The following TACC2 variants were observed in gnomAD, a reference collection of about 807,000 sequenced individuals.
TACC2 encodes transforming acidic coiled-coil containing protein 2.
TACC2 carries 137 observed loss-of-function variants against 227.3 expected under a neutral mutation model. The observed-to-expected ratio is 0.60, with a 90% CI of 0.52 to 0.69. The LOEUF (loss-of-function observed/expected upper bound fraction) is 0.69, where lower values mean the gene tolerates loss of function less well. Ranked by LOEUF, TACC2 falls within the 30% of genes least tolerant of loss-of-function variation. TACC2 has a pLI of 0.00. For missense variants in TACC2, 3,470 were observed against 3,694.4 expected, an observed-to-expected ratio of 0.94 and a Z score of 1.57; for synonymous variants, 1,523 against 1,487.5, an observed-to-expected ratio of 1.02 and a Z score of -0.55.
rs2090475314 is a variant in TACC2, at chr10:122,141,166, T to C, written c.5700-2406T>C. On this transcript the variant is annotated intron_variant, in intron 6 of 22. Transcript: ENST00000369005. The surrounding 1 kb of genome is among the most constrained non-coding windows in gnomAD (Gnocchi z 4.3). ...GGTGCCACTACCTTGCTGGGAAAATTGGGGGAGGAGGAGGAGGGTCAGGAG... is the reference window on the plus strand; with the variant it reads ...GGTGCCACTACCTTGCTGGGAAAATCGGGGGAGGAGGAGGAGGGTCAGGAG... 6.6e-6 allele frequency among the ~76,000 whole-genome samples: 1 copy of C among 151,640 alleles called. No homozygotes were observed. The highest frequency in any genetic ancestry group is 2.4e-5 in the African/African-American group (1 of 41,234).
chr10:122,132,863 C>A (rs1045616366), intron 6 of TACC2, 129 bp downstream of exon 6: 1 of 947,224 alleles, frequency 1.1e-6, no homozygotes, highest in Non-Finnish European at 1.6e-6. Context: ...TCTGCACACA[C>A]ACACAGGGTG....
chr10:122,113,483 G>A (rs1426687995), intron 5 of TACC2, among the ~76,000 whole-genome samples: 1 of 152,226 alleles, frequency 6.6e-6, no homozygotes, highest in Non-Finnish European at 1.5e-5. Context: ...TGGGAGCGCG[G>A]GGGTCAAAGC....
intron 12 of TACC2, among the ~76,000 whole-genome samples, chr10:122,226,000 T>G (rs2095620666): frequency 6.6e-6 from 1 of 152,194 alleles, no homozygotes; most frequent in Admixed American, 6.5e-5. Flanking sequence ...AGCCCAGGTC[T>G]AGGCTCTTGC....
In TACC2 at chr10:122,249,603, A is replaced by G; in HGVS notation, c.8720A>G (p.Gln2907Arg). The G allele has an allele frequency of 5.6e-6, 9 of 1,614,126 alleles. No homozygotes were observed. Among genetic ancestry groups the G allele is most frequent in the Non-Finnish European group, 7.6e-6 (9 of 1,180,022 alleles). Residue 2907 changes from glutamine (Q) to arginine (R), a missense_variant, in exon 22 of 23, where the codon CAG (glutamine) becomes CGG (arginine). By Grantham distance (43) the Gln-to-Arg change is conservative. Coordinates refer to ENST00000369005, the MANE Select transcript of TACC2 (RefSeq NM_206862.4). ...GKAQQEQAAH[Q>R]ASLRKEQLRV... ...GCCCAGCAGGAGCAAGCCGCCCACCAGGCCAGCCTGCGGAAGGAGCAGCTG... is the reference window on the plus strand; with the variant it reads ...GCCCAGCAGGAGCAAGCCGCCCACCGGGCCAGCCTGCGGAAGGAGCAGCTG...
At chr10:122,053,640 C>T (rs1271130163) in intron 3 of TACC2, among the ~76,000 whole-genome samples, 1 of 152,166 alleles carries the variant, frequency 6.6e-6, no homozygotes, top group African/African-American at 2.4e-5. Flanking sequence ...TTTGGGAGCC[C>T]ATGACCGCTT....
intron 7 of TACC2, among the ~76,000 whole-genome samples, chr10:122,183,659 C>T (rs938609262): frequency 1.3e-5 from 2 of 152,162 alleles, no homozygotes; most frequent in Non-Finnish European, 2.9e-5. Flanking sequence ...ATTCGTTCCC[C>T]TGGAGGAGAG....
intron 2 of TACC2, among the ~76,000 whole-genome samples, chr10:122,047,164 C>A (rs1168299918): frequency 6.6e-6 from 1 of 151,548 alleles, no homozygotes; most frequent in African/African-American, 2.4e-5. Context: ...TGGTGGGCAC[C>A]TGTAGTCCCA....
At chr10:122,088,697 A>G in intron 5 of TACC2, 106 bp downstream of exon 5, 3 of 1,548,918 alleles carry the variant, frequency 1.9e-6, no homozygotes, top group Non-Finnish European at 2.6e-6. Context: ...ATGAGTTCCT[A>G]CATAAGAAAG....
At chr10:122,188,047 C>G (rs573870395) in intron 7 of TACC2, among the ~76,000 whole-genome samples, 1 of 152,004 alleles carries the variant, frequency 6.6e-6, no homozygotes, top group African/African-American at 2.4e-5. Context: ...AAGTCTGTCT[C>G]CCCATTCTGT....
intron 8 of TACC2, among the ~76,000 whole-genome samples, chr10:122,208,886 A>G (rs1438183813): frequency 1.3e-5 from 2 of 152,180 alleles, no homozygotes; most frequent in African/African-American, 4.8e-5. Context: ...TTGTCCAATG[A>G]CACACTTTTA....
intron 7 of TACC2, among the ~76,000 whole-genome samples, chr10:122,193,132 T>G (rs6585799): frequency 0.097 from 14,833 of 152,224 alleles, 2,207 homozygotes; most frequent in African/African-American, 0.32. Flanking sequence ...CCTCATGAAA[T>G]TTAATAGTAG....
chr10:121,993,770 C>T (rs1432435481), intron 1 of TACC2, among the ~76,000 whole-genome samples: 2 of 152,078 alleles, frequency 1.3e-5, no homozygotes, highest in African/African-American at 2.4e-5. Flanking sequence ...GGACTACAGG[C>T]GTGCGCCACC....
At chr10:122,242,638 T>C (rs1482600825) in intron 19 of TACC2, among the ~76,000 whole-genome samples, 4 of 152,182 alleles carry the variant, frequency 2.6e-5, no homozygotes, top group East Asian at 1.9e-4. Flanking sequence ...CCTGGGCCTT[T>C]TTTTCTTTTC....
chr10:122,134,618 A>G (rs942285567), intron 6 of TACC2, among the ~76,000 whole-genome samples: 12 of 152,186 alleles, frequency 7.9e-5, no homozygotes, highest in Admixed American at 3.3e-4. Flanking sequence ...TGTCTGTCCT[A>G]TTCCTCCCCC....
chr10:122,023,438 G>C lies in TACC2; in HGVS notation c.33+1424G>C, dbSNP rs183503364. On this transcript the variant is annotated intron_variant, in intron 2 of 22. Transcript: ENST00000369005. Reference sequence around the variant, plus strand: ...AAACAACAATTGTGTTAAAAGACTGGGTGTGACCATGGAATACTATGCAGC... The same window carrying C: ...AAACAACAATTGTGTTAAAAGACTGCGTGTGACCATGGAATACTATGCAGC... The C allele has an allele frequency of 3.3e-5, 5 of 152,234 alleles. No homozygotes were observed. The East Asian group carries it at 9.7e-4, about 29-fold the overall frequency. The allele number at this position is 152,234 out of a possible 1,614,324, so 9.4% of individuals were successfully genotyped here.
chr10:122,218,052 C>A (rs891626128), intron 11 of TACC2, among the ~76,000 whole-genome samples: 1 of 152,150 alleles, frequency 6.6e-6, no homozygotes, highest in Admixed American at 6.5e-5. Flanking sequence ...TCAAGCGATT[C>A]TCCTGCCTCA....
intron 2 of TACC2, among the ~76,000 whole-genome samples, chr10:122,034,851 C>T (rs367750807): frequency 4.5e-4 from 68 of 151,206 alleles, no homozygotes; most frequent in African/African-American, 1.7e-3. Context: ...TCGCTTGAAC[C>T]TGGGAGGCAG....
At chr10:122,071,663 CA>C (rs1171355183) in intron 3 of TACC2, among the ~76,000 whole-genome samples, 5 of 134,342 alleles carry the variant, frequency 3.7e-5, no homozygotes, top group Non-Finnish European at 6.2e-5. Flanking sequence ...CATCTGAGGT[CA>C]AGAGTTCGAG....
intron 3 of TACC2, among the ~76,000 whole-genome samples, chr10:122,065,367 CTTCT>C (rs891024999): frequency 1.3e-5 from 2 of 151,872 alleles, no homozygotes; most frequent in Non-Finnish European, 2.9e-5. Context: ...TTACAATTTC[CTTCT>C]TTCTTTCTTC....
Sources: allele counts gnomAD v4.1 joint callset (sites outside exome capture counted in the v4.1 genomes callset), GRCh38; gene constraint gnomAD v4.1.1; non-coding constraint Gnocchi (gnomAD v3.1); transcripts MANE v1.5; gene names NCBI Gene and HGNC (gene_info 2026-07-23, HGNC 2026-07-21).